CNTN4: variants seen among roughly 807,000 people sequenced by gnomAD.
CNTN4 encodes contactin-4.
A neutral mutation model predicts 122.5 loss-of-function variants in CNTN4; 77 were observed. The observed-to-expected ratio is 0.63, with a 90% confidence interval of 0.52 to 0.76. The LOEUF is 0.76. CNTN4 is among the 30% of genes least tolerant of loss of function. The probability of loss-of-function intolerance (pLI) is 0.00; values close to 1 mark genes in which losing one functional copy is unlikely to be tolerated. For missense variants in CNTN4, 1,256 were observed against 1,259.1 expected (o/e 1.00, Z 0.04); for synonymous variants, 512 against 447.0 (o/e 1.15, Z -1.83).
chr3:2,334,347 T>C lies in CNTN4; in HGVS notation c.-144-4831T>C, dbSNP rs146058359. Among the ~76,000 whole-genome samples, 301 of 152,216 alleles carry C rather than the reference T, an allele frequency of 2.0e-3. 2 individuals are homozygous for C. Among genetic ancestry groups the C allele is most frequent in the African/African-American group, 6.5e-3 (268 of 41,548 alleles). Reference sequence around the variant, plus strand: ...TAATTTTTTGTATTTTTAGTAGAGATGGGGTTTCATCATGTTGGCCAGGCT... The same window carrying C: ...TAATTTTTTGTATTTTTAGTAGAGACGGGGTTTCATCATGTTGGCCAGGCT... On this transcript the variant is annotated intron_variant, in intron 2 of 24. Transcript: ENST00000418658.
At chr3:2,913,875 G>T (rs1386098548) in intron 12 of CNTN4, among the ~76,000 whole-genome samples, 1 of 152,116 alleles carries the variant, frequency 6.6e-6, no homozygotes, top group Non-Finnish European at 1.5e-5. Context: ...ATGCACACAT[G>T]GAACAGTGTC....
chr3:2,440,404 G>A (rs1020218894), intron 3 of CNTN4, among the ~76,000 whole-genome samples: 4 of 152,140 alleles, frequency 2.6e-5, no homozygotes, highest in Non-Finnish European at 4.4e-5. Flanking sequence ...GAAATTTTGT[G>A]TTGTCATTTG....
chr3:3,035,792 A>C (rs977666704), intron 17 of CNTN4, among the ~76,000 whole-genome samples: 5 of 152,138 alleles, frequency 3.3e-5, no homozygotes, highest in African/African-American at 1.2e-4. Context: ...TCCTGCGCTC[A>C]AGCAATTCTC....
chr3:2,290,175 A>G (rs995578882), intron 2 of CNTN4, among the ~76,000 whole-genome samples: 4 of 152,202 alleles, frequency 2.6e-5, no homozygotes, highest in African/African-American at 4.8e-5. Flanking sequence ...CAAGCAGCAC[A>G]GAGCATTGAT....
rs367944541 is a variant in CNTN4, at chr3:2,831,615, T to C, written c.454+12034T>C. 5.9e-5 allele frequency among the ~76,000 whole-genome samples: 9 copies of C among 152,318 alleles called. No homozygotes were observed. In the South Asian group the frequency reaches 1.2e-3, roughly 21 times the overall value. ...TTTTCTCCCATCATCTGGTGCAGGT[T>C]AACACATTATCACAATCTTCACTGT... is the stretch of plus-strand genomic sequence containing the variant. On this transcript the variant is annotated intron_variant, in intron 7 of 24. Coordinates refer to ENST00000418658, the MANE Select transcript of CNTN4 (RefSeq NM_175607.3).
chr3:2,366,296 C>G (rs949428144), intron 3 of CNTN4, among the ~76,000 whole-genome samples: 5 of 152,122 alleles, frequency 3.3e-5, no homozygotes, highest in Non-Finnish European at 7.4e-5. Context: ...ATAATGTTGT[C>G]AATTTCATAT....
Position 2,745,542 on chromosome 3 carries a change from A to T in CNTN4, c.203A>T (p.Asp68Val). The change falls in exon 6 of 25, where the codon GAT becomes GTT. Residue 68 changes from aspartate (D) to valine (V), a missense_variant. Physicochemically the swap from Asp to Val is radical, Grantham distance 152. Coordinates refer to ENST00000418658, the MANE Select transcript of CNTN4 (RefSeq NM_175607.3). ...PHIRWKLNGTDVDTGMDFRYS... is the reference protein window; with the variant it reads ...PHIRWKLNGTVVDTGMDFRYS... The stretch of plus-strand genomic sequence containing the variant: ...TATAGGTGGAAGTTAAATGGAACAG[A>T]TGTTGACACTGGTATGGATTTCCGC... 9 of 1,614,086 alleles carry T rather than the reference A, an allele frequency of 5.6e-6. No homozygotes were observed. Among genetic ancestry groups the T allele is most frequent in the African/African-American group, 1.3e-5 (1 of 75,058 alleles).
rs1215278088 is a variant in CNTN4 at position 3,046,145 on chromosome 3, C to T, written c.2811+2441C>T. On this transcript the variant is annotated intron_variant, in intron 23 of 24. Transcript: ENST00000418658. Reference sequence around the variant, plus strand: ...GGACTATGTGAAAAGACCAAATCTACGTCTGATTGGTGTACCTGAAAGTGA... The same window carrying T: ...GGACTATGTGAAAAGACCAAATCTATGTCTGATTGGTGTACCTGAAAGTGA... Among the ~76,000 whole-genome samples, 7 of 152,282 alleles carry T rather than the reference C, an allele frequency of 4.6e-5. No individual in the cohort carries two copies. The East Asian group carries it at 5.8e-4, about 13-fold the overall frequency.
intron 2 of CNTN4, among the ~76,000 whole-genome samples, chr3:2,272,055 T>C (rs1325876280): frequency 6.6e-6 from 1 of 152,124 alleles, no homozygotes; most frequent in African/African-American, 2.4e-5. Context: ...TTGCAATCAT[T>C]AAATAATTTT....
chr3:2,744,629 T>C (rs1026541293), intron 5 of CNTN4, among the ~76,000 whole-genome samples: 2 of 152,238 alleles, frequency 1.3e-5, no homozygotes, highest in Non-Finnish European at 2.9e-5. Flanking sequence ...GACTGAGTTA[T>C]ATTAGTGCAA....
intron 2 of CNTN4, among the ~76,000 whole-genome samples, chr3:2,170,588 A>G (rs987036473): frequency 2.0e-5 from 3 of 152,180 alleles, no homozygotes; most frequent in African/African-American, 7.2e-5. Context: ...AAAAATCTTT[A>G]CAGTTTTTCT....
intron 3 of CNTN4, among the ~76,000 whole-genome samples, chr3:2,396,718 G>T (rs1575545476): frequency 6.6e-6 from 1 of 150,488 alleles, no homozygotes. Context: ...TAAATCAGAA[G>T]ATTATGAAAG....
At chr3:2,684,657 T>C (rs2085340342) in intron 4 of CNTN4, among the ~76,000 whole-genome samples, 1 of 152,222 alleles carries the variant, frequency 6.6e-6, no homozygotes, top group Non-Finnish European at 1.5e-5. Context: ...AACTTTGTTT[T>C]AAGAATAAAC....
At chr3:2,760,568 A>G (rs1295707350) in intron 6 of CNTN4, among the ~76,000 whole-genome samples, 1 of 152,156 alleles carries the variant, frequency 6.6e-6, no homozygotes, top group Non-Finnish European at 1.5e-5. Context: ...GGCCAGTACC[A>G]CACTGTGTTG....
chr3:2,414,019 A>T (rs151025015), intron 3 of CNTN4, among the ~76,000 whole-genome samples: 91 of 152,298 alleles, frequency 6.0e-4, no homozygotes, highest in African/African-American at 2.0e-3. Flanking sequence ...AATACCGAGG[A>T]TGGCACAGAG....
At chr3:2,440,301 C>T (rs2048389094) in intron 3 of CNTN4, among the ~76,000 whole-genome samples, 1 of 152,138 alleles carries the variant, frequency 6.6e-6, no homozygotes, top group Non-Finnish European at 1.5e-5. Context: ...GGCAAAGGTA[C>T]GAGCTGATGG....
chr3:2,874,372 T>C (rs74498478), intron 8 of CNTN4, among the ~76,000 whole-genome samples: 2,695 of 152,312 alleles, frequency 0.018, 88 homozygotes, highest in African/African-American at 0.061. Flanking sequence ...AATTATTGAA[T>C]TGAGTTCTGA....
chr3:2,628,745 T>G (rs2082302824), intron 4 of CNTN4, among the ~76,000 whole-genome samples: 1 of 152,250 alleles, frequency 6.6e-6, no homozygotes, highest in Non-Finnish European at 1.5e-5. Flanking sequence ...CAGTGGTAAC[T>G]GCCATACTGA....
At chr3:2,780,497 A>G (rs188365395) in intron 6 of CNTN4, among the ~76,000 whole-genome samples, 9 of 152,330 alleles carry the variant, frequency 5.9e-5, no homozygotes, top group Admixed American at 5.2e-4. Context: ...TATATTTTTT[A>G]AGTAGTTTCT....
Sources: gnomAD v4.1 joint callset for allele counts (sites outside exome capture counted in the v4.1 genomes callset) on GRCh38, gnomAD v4.1.1 for gene constraint, MANE v1.5 for transcripts, NCBI Gene and HGNC (gene_info 2026-07-23, HGNC 2026-07-21) for gene names.